PRRT4: variants seen among roughly 807,000 people sequenced by gnomAD.
PRRT4 encodes proline rich transmembrane protein 4.
PRRT4 carries 59 observed loss-of-function variants against 55.6 expected under a neutral mutation model. The observed-to-expected ratio is 1.06, with a 90% CI of 0.86 to 1.32. The LOEUF (loss-of-function observed/expected upper bound fraction) is 1.32, where lower values mean the gene tolerates loss of function less well. Ranked by LOEUF, PRRT4 falls within the 40% of genes most tolerant of loss-of-function variation. The pLI, the probability that PRRT4 is intolerant of heterozygous loss-of-function variation, is 0.00. For missense variants in PRRT4, 1,217 were observed against 1,222.0 expected, an observed-to-expected ratio of 1.00 and a Z score of 0.06; for synonymous variants, 606 against 601.8, an observed-to-expected ratio of 1.01 and a Z score of -0.10.
intron 4 of PRRT4, among the ~76,000 whole-genome samples, chr7:128,354,638 A>G (rs1159568961): frequency 6.6e-6 from 1 of 152,020 alleles, no homozygotes; most frequent in Non-Finnish European, 1.5e-5. Context: ...GTAAAAGATA[A>G]ACAAAAAACA....
rs1797067472 is a variant in PRRT4, at chr7:128,354,444, A to G, written c.878-1766T>C. On this transcript the variant is annotated intron_variant, in intron 4 of 4. Coordinates refer to ENST00000535159, the Ensembl canonical transcript of PRRT4. ...CCAGGCGTGGTGGCACATGCCTGTA[A>G]TCCCAGCTACTCTGGAGGCTGAGGC... Among the ~76,000 whole-genome samples, 3 of 152,118 alleles carry G rather than the reference A, an allele frequency of 2.0e-5. 1 individual carries two copies. The highest frequency in any genetic ancestry group is 4.4e-5 in the Non-Finnish European group (3 of 68,012).
chr7:128,352,813 C>A, intron 4 of PRRT4, 135 bp from the exon 6 acceptor site: 1 of 865,852 alleles, frequency 1.2e-6, no homozygotes, highest in Non-Finnish European at 1.7e-6. Flanking sequence ...GAGACTCACC[C>A]CACCTCTTGG....
chr7:128,359,560 G>A (rs1233995761), exon 2 of PRRT4: 1 of 1,493,506 alleles, frequency 6.7e-7, no homozygotes. Flanking sequence ...GCTGATAGGG[G>A]GCAGTGGGCC....
At chr7:128,351,223 C>T in exon 5 of PRRT4, 1 of 1,540,080 alleles carries the variant, frequency 6.5e-7, no homozygotes, top group Non-Finnish European at 8.7e-7. Flanking sequence ...AGAGGCCTCC[C>T]CTGATCTCTC....
In PRRT4 at chr7:128,350,960, C is replaced by G. The variant is rs778984158; in HGVS notation, c.2596G>C (p.Ala866Pro). ...GCCTCCTCGGCCTGCAGCTCAGAAG[C>G]AGGCTCTGGGGAGTCGCGAGAGGGT... The change falls in exon 5 of 5, where the codon GCT becomes CCT. Residue 866 changes from alanine to proline, a missense_variant. Coordinates refer to ENST00000535159, the Ensembl canonical transcript of PRRT4. The G allele has an allele frequency of 2.7e-5, 42 of 1,550,824 alleles. No individual in the cohort carries two copies. In the African/African-American group the frequency reaches 5.6e-4, roughly 21 times the overall value.
exon 5 of PRRT4, chr7:128,351,789 G>A (rs1393466529): frequency 2.1e-6 from 3 of 1,423,446 alleles, no homozygotes; most frequent in Admixed American, 6.1e-5. Context: ...CTTCCAGGCC[G>A]GATTGGCCGC....
chr7:128,350,847 G>A (rs2116429956), downstream of PRRT4: 2 of 1,549,886 alleles, frequency 1.3e-6, no homozygotes, highest in South Asian at 1.2e-5. Flanking sequence ...TAGCAAGGTG[G>A]CCACCTCTTC....
At chr7:128,360,823 C>G (rs575389405) in intron 1 of PRRT4, among the ~76,000 whole-genome samples, 114 of 152,132 alleles carry the variant, frequency 7.5e-4, no homozygotes, top group Non-Finnish European at 1.5e-3. Context: ...ACTCCTACCC[C>G]CTCCCCAGAA....
chr7:128,357,535 C>T (rs2116483151), intron 4 of PRRT4, among the ~76,000 whole-genome samples: 1 of 152,306 alleles, frequency 6.6e-6, no homozygotes, highest in South Asian at 2.1e-4. Flanking sequence ...TACCCCCAAT[C>T]ACATCCTGCC....
rs359666 is a variant in PRRT4, at chr7:128,351,036, T to C, written c.2520A>G (p.Ser840=). 19,030 of 1,549,320 alleles carry C rather than the reference T, an allele frequency of 0.012. 1,184 individuals are homozygous for C. In the African/African-American group the frequency reaches 0.16, roughly 13 times the overall value. Residue 840 remains serine, a synonymous_variant, in exon 5 of 5, where the codon TCA becomes TCG. Coordinates refer to ENST00000535159, the Ensembl canonical transcript of PRRT4. ...AGGCCGGGAGGCTGGGGCTGCTTCC[T>C]GAGGGCCGCGGGGGACTGAGGACGC... is the stretch of plus-strand genomic sequence containing the variant.
intron 4 of PRRT4, among the ~76,000 whole-genome samples, chr7:128,356,952 G>A (rs981293349): frequency 6.6e-6 from 1 of 152,200 alleles, no homozygotes; most frequent in African/African-American, 2.4e-5. Context: ...ACTGACACCA[G>A]CCAGAGTGGT....
rs1035693405 is a variant in PRRT4, at chr7:128,358,836, C to T, written c.758-36G>A. ...AGCACATGGGGCTCAAGTGCCACCC[C>T]ACCAACCAGCCTTGCCTCTGGGAGT... On this transcript the variant is annotated intron_variant, in intron 3 of 4. Coordinates refer to ENST00000535159, the Ensembl canonical transcript of PRRT4. This position sits in a 1 kb window ranked among gnomAD's most constrained non-coding sequence, Gnocchi z 4.4. The T allele has an allele frequency of 5.3e-6, 8 of 1,497,316 alleles. No individual in the cohort carries two copies. In the African/African-American group the frequency reaches 9.9e-5, roughly 19 times the overall value. The allele number at this position is 1,497,316 out of a possible 1,614,324, so 92.8% of individuals were successfully genotyped here. A position where few individuals can be genotyped will look rare whatever the true frequency, so the allele number is the denominator to read the frequency against.
chr7:128,352,572 TTCTCC>T lies in PRRT4; in HGVS notation c.979_983del (p.Gly327IlefsTer3), dbSNP rs1189809608. On this transcript the variant is annotated frameshift_variant, in exon 5 of 5. Coordinates refer to ENST00000535159, the Ensembl canonical transcript of PRRT4. LOFTEE classifies it high-confidence loss of function. ...GAGGCTGCCCCTCGCGTTCAGGCAA[TTCTCC>T]CACGCTGCAGGACCCTGGCCCACAC... is the stretch of plus-strand genomic sequence containing the variant. 6.5e-7 allele frequency: 1 copy of T among 1,544,440 alleles called. No individual in the cohort carries two copies. The highest frequency in any genetic ancestry group is 2.4e-5 in the East Asian group (1 of 40,902).
At chr7:128,353,717 G>A (rs1049621426) in intron 4 of PRRT4, among the ~76,000 whole-genome samples, 4 of 152,186 alleles carry the variant, frequency 2.6e-5, no homozygotes, top group African/African-American at 9.6e-5. Flanking sequence ...CTCAAAAGGT[G>A]CCCTTAGGAA....
At chr7:128,352,474 A>G in exon 5 of PRRT4, 1 of 1,540,168 alleles carries the variant, frequency 6.5e-7, no homozygotes, top group Non-Finnish European at 8.7e-7. Flanking sequence ...CTCCCAGGCC[A>G]GCCCCCAGCG....
At chr7:128,350,993 G>A (rs1796945494) in exon 5 of PRRT4, 1 of 1,550,838 alleles carries the variant, frequency 6.4e-7, no homozygotes, top group Non-Finnish European at 8.7e-7. Flanking sequence ...GGTGGGGACA[G>A]GGCCTGGTAG....
chr7:128,355,885 A>T (rs1797101494), intron 4 of PRRT4, among the ~76,000 whole-genome samples: 1 of 152,064 alleles, frequency 6.6e-6, no homozygotes, highest in Non-Finnish European at 1.5e-5. Flanking sequence ...TTCCATCTTT[A>T]CTTCTCACCC....
intron 4 of PRRT4, among the ~76,000 whole-genome samples, chr7:128,355,812 A>C (rs958350743): frequency 3.3e-5 from 5 of 152,014 alleles, no homozygotes; most frequent in Non-Finnish European, 5.9e-5. Flanking sequence ...CCCCCTTACC[A>C]CACCCTCTTT....
chr7:128,359,205 C>T (rs2116493138), exon 3 of PRRT4: 1 of 1,551,730 alleles, frequency 6.4e-7, no homozygotes, highest in African/African-American at 1.4e-5. Flanking sequence ...ACCTGGGGGG[C>T]TCAGGCCGGA....
Sources: gnomAD v4.1 joint callset for allele counts (sites outside exome capture counted in the v4.1 genomes callset) on GRCh38, gnomAD v4.1.1 for gene constraint, Gnocchi (gnomAD v3.1) non-coding constraint, MANE v1.5 for transcripts, NCBI Gene and HGNC (gene_info 2026-07-23, HGNC 2026-07-21) for gene names.